ZC3H3: variants seen among roughly 807,000 people sequenced by gnomAD.
ZC3H3 encodes zinc finger CCCH domain-containing protein 3.
ZC3H3 carries 36 observed loss-of-function variants against 77.3 expected under a neutral mutation model. That is an observed-to-expected ratio of 0.47 (90% CI 0.36 to 0.61). The LOEUF (loss-of-function observed/expected upper bound fraction) is 0.61. Among genes scored for constraint, ZC3H3 ranks in the 20% least tolerant of loss-of-function variants. The pLI, the probability that ZC3H3 is intolerant of heterozygous loss-of-function variation, is 0.00. For synonymous variants in ZC3H3, 626 were observed against 555.2 expected (o/e 1.13, Z -1.79); for missense variants, 1,331 against 1,312.2 (o/e 1.01, Z -0.22).
chr8:143,451,267 A>G (rs1532039), intron 9 of ZC3H3, among the ~76,000 whole-genome samples: 54,052 of 152,100 alleles, frequency 0.36, 10,025 homozygotes, highest in South Asian at 0.56. Flanking sequence ...GTCAATGAAA[A>G]AGAAAAGGAG....
chr8:143,437,996 A>G lies in ZC3H3; in HGVS notation c.*60T>C. 1.3e-6 allele frequency: 2 copies of G among 1,580,922 alleles called. No homozygotes were observed. The highest frequency in any genetic ancestry group is 8.6e-7 in the Non-Finnish European group (1 of 1,163,480). On this transcript the variant is annotated 3_prime_UTR_variant, in exon 12 of 12. Coordinates refer to ENST00000262577, the MANE Select transcript of ZC3H3 (RefSeq NM_015117.3). ...TCCTGTGGGGTAGAGTGGTGGACAG[A>G]GCCTCTTTCCTCTCCAAGGATGAGG...
intron 4 of ZC3H3, among the ~76,000 whole-genome samples, chr8:143,502,485 T>G (rs1459722115): frequency 1.3e-5 from 2 of 152,234 alleles, no homozygotes; most frequent in Non-Finnish European, 2.9e-5. Flanking sequence ...CTGCACAGAT[T>G]ACTTAAGATT....
At chr8:143,505,266 T>C (rs567532021) in intron 4 of ZC3H3, among the ~76,000 whole-genome samples, 161 of 152,292 alleles carry the variant, frequency 1.1e-3, no homozygotes, top group African/African-American at 3.7e-3. Context: ...CAGCCCTTAG[T>C]CCATGGTGGC....
Position 143,468,281 on chromosome 8 carries a change from G to T in ZC3H3, c.2106-3C>A. On this transcript the variant is annotated splice_polypyrimidine_tract_variant and splice_region_variant and intron_variant, in intron 7 of 11. Transcript: ENST00000262577. ...TCTTGCAGGTGCCCCGGACAAACCTGCAGCACCAGGAGAAACGGGTATGAG... is the reference window on the plus strand; with the variant it reads ...TCTTGCAGGTGCCCCGGACAAACCTTCAGCACCAGGAGAAACGGGTATGAG... The T allele has an allele frequency of 6.2e-7, 1 of 1,613,056 alleles. No individual in the cohort carries two copies. The highest frequency in any genetic ancestry group is 8.5e-7 in the Non-Finnish European group (1 of 1,179,930).
At chr8:143,516,080 C>T (rs1421586443) in intron 3 of ZC3H3, among the ~76,000 whole-genome samples, 3 of 152,198 alleles carry the variant, frequency 2.0e-5, no homozygotes, top group African/African-American at 7.2e-5. Flanking sequence ...GCTTCAGGCC[C>T]GTCCATTTCT....
intron 9 of ZC3H3, among the ~76,000 whole-genome samples, chr8:143,444,229 C>T (rs1281024788): frequency 6.6e-6 from 1 of 152,166 alleles, no homozygotes; most frequent in African/African-American, 2.4e-5. Context: ...CCACCTCAGC[C>T]TCCCAAAGTG....
At chr8:143,531,479 C>T (rs1321773777) in intron 3 of ZC3H3, among the ~76,000 whole-genome samples, 3 of 152,232 alleles carry the variant, frequency 2.0e-5, no homozygotes, top group Non-Finnish European at 2.9e-5. Flanking sequence ...AGGCTGAAAC[C>T]TTCCAAACAG....
intron 3 of ZC3H3, among the ~76,000 whole-genome samples, chr8:143,526,238 T>A (rs867690971): frequency 6.6e-6 from 1 of 151,794 alleles, no homozygotes; most frequent in African/African-American, 2.4e-5. Flanking sequence ...GTCACACCCA[T>A]GACATCAGGG....
intron 4 of ZC3H3, among the ~76,000 whole-genome samples, chr8:143,495,377 G>A (rs1339488890): frequency 6.6e-6 from 1 of 152,108 alleles, no homozygotes; most frequent in Non-Finnish European, 1.5e-5. Flanking sequence ...TAGAGGCACA[G>A]GATGCTCCAG....
Position 143,538,595 on chromosome 8 carries a change from G to A in ZC3H3, c.772C>T (p.Gln258Ter). The A allele has an allele frequency of 6.2e-7, 1 of 1,610,252 alleles. No homozygotes were observed. Among genetic ancestry groups the A allele is most frequent in the Non-Finnish European group, 8.5e-7 (1 of 1,180,014 alleles). ...GSHSVASCAP[Q>*]LLGDRRVDAG... ...TCTACTCTCCTGTCCCCAAGGAGCTGTGGAGCACAGCTGGCCACGGAATGA... is the reference window on the plus strand; with the variant it reads ...TCTACTCTCCTGTCCCCAAGGAGCTATGGAGCACAGCTGGCCACGGAATGA... The change falls in exon 2 of 12, where the codon CAG (glutamine) becomes TAG (stop). Residue 258 changes from glutamine (Q) to a stop codon, truncating the protein, a stop_gained. Coordinates refer to ENST00000262577, the MANE Select transcript of ZC3H3 (RefSeq NM_015117.3). LOFTEE classifies it high-confidence loss of function.
intron 2 of ZC3H3, 35 bp downstream of exon 2, chr8:143,537,968 C>A (rs766819676): frequency 1.3e-6 from 2 of 1,559,722 alleles, no homozygotes; most frequent in Non-Finnish European, 8.7e-7. Flanking sequence ...CCTCACAGCC[C>A]CTCACACTCT....
At chr8:143,489,261 T>C (rs7013633) in intron 4 of ZC3H3, among the ~76,000 whole-genome samples, 23,401 of 151,242 alleles carry the variant, frequency 0.15, 2,112 homozygotes, top group Middle Eastern at 0.27. Context: ...GCTCTGCCAC[T>C]CTCCATGACT....
rs780330567 is a variant in ZC3H3 at position 143,507,799 on chromosome 8, C to T, written c.1662G>A (p.Pro554=). ...AGGAGGGCAGAGACAGGGGGAAGGG[C>T]GGGGCGCTGAGAGGCGAGGCCGGCG... is the stretch of plus-strand genomic sequence containing the variant. ...KKTPASPLSA[P]PFPLSLPSWR... Residue 554 remains proline, a synonymous_variant, in exon 4 of 12, where the codon CCG becomes CCA. Coordinates refer to ENST00000262577, the MANE Select transcript of ZC3H3 (RefSeq NM_015117.3). The T allele has an allele frequency of 6.9e-5, 110 of 1,605,302 alleles. No individual in the cohort carries two copies. The highest frequency in any genetic ancestry group is 8.3e-5 in the Non-Finnish European group (98 of 1,177,844).
intron 4 of ZC3H3, among the ~76,000 whole-genome samples, chr8:143,489,325 C>CCT (rs1345882626): frequency 7.0e-6 from 1 of 143,496 alleles, no homozygotes; most frequent in Non-Finnish European, 1.5e-5. Flanking sequence ...CAGCCAGGGC[C>CCT]TGGTTCCAAG....
intron 3 of ZC3H3, among the ~76,000 whole-genome samples, chr8:143,521,959 G>T (rs1407845324): frequency 6.6e-6 from 1 of 152,194 alleles, no homozygotes; most frequent in Non-Finnish European, 1.5e-5. Flanking sequence ...TCCCTGCTGG[G>T]GGCTCAGGGG....
rs780793897 is a variant in ZC3H3 at position 143,530,129 on chromosome 8, C to G, written c.1561+6128G>C. ...ATGCCCGGCCTGGCTCCTGTCAAAG[C>G]CTGGGCAGCCGGCAGGCCTCGACCC... On this transcript the variant is annotated intron_variant, in intron 3 of 11. Coordinates refer to ENST00000262577, the MANE Select transcript of ZC3H3 (RefSeq NM_015117.3). The surrounding 1 kb of genome is among the most constrained non-coding windows in gnomAD (Gnocchi z 4.3). 6.6e-6 allele frequency among the ~76,000 whole-genome samples: 1 copy of G among 152,170 alleles called. No homozygotes were observed. Among genetic ancestry groups the G allele is most frequent in the South Asian group, 2.1e-4 (1 of 4,832 alleles).
intron 4 of ZC3H3, among the ~76,000 whole-genome samples, chr8:143,496,136 G>A (rs1821344781): frequency 6.6e-6 from 1 of 152,188 alleles, no homozygotes; most frequent in Non-Finnish European, 1.5e-5. Flanking sequence ...CACGGAATGA[G>A]GGCAGGCTGA....
At chr8:143,507,080 C>T (rs1294007892) in intron 4 of ZC3H3, among the ~76,000 whole-genome samples, 2 of 152,236 alleles carry the variant, frequency 1.3e-5, no homozygotes, top group African/African-American at 4.8e-5. Flanking sequence ...GGGGCACCAC[C>T]ACCACAGCAA....
At chr8:143,485,821 G>C (rs146769004) in intron 4 of ZC3H3, among the ~76,000 whole-genome samples, 512 of 152,364 alleles carry the variant, frequency 3.4e-3, no homozygotes, top group Middle Eastern at 6.8e-3. Context: ...TTACAGTAAA[G>C]AAGGGCACCA....
Sources: gnomAD v4.1 joint callset for allele counts (sites outside exome capture counted in the v4.1 genomes callset) on GRCh38, gnomAD v4.1.1 for gene constraint, Gnocchi (gnomAD v3.1) non-coding constraint, MANE v1.5 for transcripts, NCBI Gene and HGNC (gene_info 2026-07-23, HGNC 2026-07-21) for gene names.